The following TDRD3 variants were observed in gnomAD, a reference collection of about 807,000 sequenced individuals.
The protein encoded by TDRD3 is tudor domain-containing protein 3.
A neutral mutation model predicts 86.7 loss-of-function variants in TDRD3; 45 were observed. That is an observed-to-expected ratio of 0.52 (90% CI 0.41 to 0.67). The LOEUF (loss-of-function observed/expected upper bound fraction) is 0.67, where lower values mean the gene tolerates loss of function less well. Among genes scored for constraint, TDRD3 ranks in the 30% least tolerant of loss-of-function variants. The pLI is 0.00. For synonymous variants in TDRD3, 298 were observed against 301.7 expected, an observed-to-expected ratio of 0.99 and a Z score of 0.13; for missense variants, 814 against 889.0, an observed-to-expected ratio of 0.92 and a Z score of 1.07.
At chr13:60,525,614 C>A (rs1467605258) in intron 10 of TDRD3, among the ~76,000 whole-genome samples, 1 of 152,136 alleles carries the variant, frequency 6.6e-6, no homozygotes, top group African/African-American at 2.4e-5. Context: ...ACATCATCAT[C>A]AATTCAGTAA....
chr13:60,511,990 C>T (rs1168666576), intron 10 of TDRD3, among the ~76,000 whole-genome samples: 3 of 152,050 alleles, frequency 2.0e-5, no homozygotes, highest in Non-Finnish European at 2.9e-5. Context: ...TCCTTTCATC[C>T]TCCTGTCCCC....
At chr13:60,461,335 A>G (rs1242147180) in intron 4 of TDRD3, among the ~76,000 whole-genome samples, 5 of 152,108 alleles carry the variant, frequency 3.3e-5, no homozygotes, top group African/African-American at 9.7e-5. Context: ...GATTTTCCAA[A>G]CCCTTTGTTT....
At chr13:60,508,643 T>TA (rs1395021096) in intron 8 of TDRD3, among the ~76,000 whole-genome samples, 1 of 152,166 alleles carries the variant, frequency 6.6e-6, no homozygotes, top group Non-Finnish European at 1.5e-5. Context: ...GACTTAAATG[T>TA]AAGACCTAAA....
At chr13:60,452,777 A>G (rs1292034435) in intron 3 of TDRD3, among the ~76,000 whole-genome samples, 1 of 150,970 alleles carries the variant, frequency 6.6e-6, no homozygotes, top group Non-Finnish European at 1.5e-5. Context: ...TTTTTGCACC[A>G]ACCTAATAGT....
intron 10 of TDRD3, among the ~76,000 whole-genome samples, chr13:60,525,196 C>T (rs562465945): frequency 3.6e-5 from 3 of 82,728 alleles, no homozygotes; most frequent in South Asian, 1.0e-3. Flanking sequence ...TTTTTTGAGA[C>T]GAGATCTCTG....
chr13:60,501,541 T>C (rs973262774), intron 8 of TDRD3, among the ~76,000 whole-genome samples: 1 of 152,220 alleles, frequency 6.6e-6, no homozygotes, highest in Non-Finnish European at 1.5e-5. Context: ...CAATTATTAA[T>C]CCCTCCATGA....
chr13:60,555,691 T>C (rs1195505681), intron 12 of TDRD3, among the ~76,000 whole-genome samples: 1 of 152,210 alleles, frequency 6.6e-6, no homozygotes, highest in Non-Finnish European at 1.5e-5. Flanking sequence ...CAATATGTGA[T>C]AAATTGTTCT....
At chr13:60,555,852 CTT>C (rs35001150) in intron 12 of TDRD3, among the ~76,000 whole-genome samples, 5 of 140,480 alleles carry the variant, frequency 3.6e-5, no homozygotes, top group Admixed American at 7.2e-5. Context: ...CTATTTCTTT[CTT>C]TTTTTTTTTT....
chr13:60,498,461 G>C (rs1404333043), intron 8 of TDRD3, among the ~76,000 whole-genome samples: 1 of 120,778 alleles, frequency 8.3e-6, no homozygotes, highest in Non-Finnish European at 1.9e-5. Context: ...CTTGTGTAGA[G>C]CTCTGGCATT....
intron 1 of TDRD3, among the ~76,000 whole-genome samples, chr13:60,408,824 A>G (rs2137819293): frequency 6.6e-6 from 1 of 152,300 alleles, no homozygotes; most frequent in South Asian, 2.1e-4. Context: ...GAGAAATTCA[A>G]GCCAGCTCCA....
At chr13:60,518,282 T>C (rs1241911039) in intron 10 of TDRD3, among the ~76,000 whole-genome samples, 1 of 152,138 alleles carries the variant, frequency 6.6e-6, no homozygotes, top group Non-Finnish European at 1.5e-5. Context: ...AATCTTTAGG[T>C]GATTCTGGTG....
At chr13:60,523,611 C>T (rs1004865258) in intron 10 of TDRD3, among the ~76,000 whole-genome samples, 12 of 121,354 alleles carry the variant, frequency 9.9e-5, no homozygotes, top group Admixed American at 4.2e-4. Context: ...GAGTCTTGCT[C>T]TGTCACCCAG....
intron 1 of TDRD3, among the ~76,000 whole-genome samples, chr13:60,439,425 T>C (rs541222157): frequency 1.1e-4 from 17 of 152,280 alleles, no homozygotes; most frequent in Non-Finnish European, 2.9e-5. Flanking sequence ...CTTAAGTATA[T>C]TGACATTTAA....
chr13:60,396,475 C>G (rs1233988260), upstream of TDRD3: 1 of 152,334 alleles, frequency 6.6e-6, no homozygotes, highest in Non-Finnish European at 1.5e-5. Flanking sequence ...TGCGCCCCAG[C>G]CCTCTACAGC....
intron 8 of TDRD3, among the ~76,000 whole-genome samples, chr13:60,500,097 ATCT>A (rs1956801103): frequency 6.6e-6 from 1 of 152,222 alleles, no homozygotes; most frequent in Admixed American, 6.5e-5. Context: ...AGGCCCTGCC[ATCT>A]TCTGTGGATA....
intron 5 of TDRD3, among the ~76,000 whole-genome samples, chr13:60,482,403 A>G (rs546574239): frequency 1.3e-4 from 20 of 152,218 alleles, no homozygotes; most frequent in African/African-American, 4.6e-4. Context: ...TGTTTCTTAC[A>G]CATTGTTAAG....
intron 10 of TDRD3, among the ~76,000 whole-genome samples, chr13:60,512,138 G>A (rs948897005): frequency 2.0e-5 from 3 of 152,112 alleles, no homozygotes; most frequent in African/African-American, 7.2e-5. Context: ...TCACAATCAC[G>A]GTGGAAGGCA....
intron 10 of TDRD3, among the ~76,000 whole-genome samples, chr13:60,524,468 C>T (rs1957362591): frequency 6.6e-6 from 1 of 150,898 alleles, no homozygotes; most frequent in Non-Finnish European, 1.5e-5. Flanking sequence ...GACTGCACCA[C>T]TGTACTCCAG....
At chr13:60,512,337 T>C (rs181600781) in intron 10 of TDRD3, among the ~76,000 whole-genome samples, 1 of 152,256 alleles carries the variant, frequency 6.6e-6, no homozygotes, top group Non-Finnish European at 1.5e-5. Flanking sequence ...GCATTCAAGA[T>C]GAGATTTGGG....
Sources: allele counts gnomAD v4.1 joint callset (sites outside exome capture counted in the v4.1 genomes callset), GRCh38; gene constraint gnomAD v4.1.1; transcripts MANE v1.5; gene names NCBI Gene and HGNC (gene_info 2026-07-23, HGNC 2026-07-21).